The following GALNTL6 variants were observed in gnomAD, a reference collection of about 807,000 sequenced individuals.
GALNTL6 encodes the protein polypeptide N-acetylgalactosaminyltransferase-like 6.
GALNTL6 carries 46 observed loss-of-function variants against 73.7 expected under a neutral mutation model. The ratio of observed to expected loss-of-function variants is 0.62; its 90% CI spans 0.49 to 0.80. The LOEUF is 0.80. Ranked by LOEUF, GALNTL6 falls within the 30% of genes least tolerant of loss-of-function variation. GALNTL6 has a pLI of 0.00. For missense variants in GALNTL6, 604 were observed against 755.0 expected (o/e 0.80, Z 2.34); for synonymous variants, 259 against 263.7 (o/e 0.98, Z 0.17).
At chr4:172,597,465 T>A (rs1421685959) in intron 5 of GALNTL6, among the ~76,000 whole-genome samples, 2 of 152,206 alleles carry the variant, frequency 1.3e-5, no homozygotes, top group Non-Finnish European at 2.9e-5. Context: ...GCTCAGCATC[T>A]TTTGTGTCAT....
At chr4:172,670,808 T>C (rs1047394747) in intron 5 of GALNTL6, among the ~76,000 whole-genome samples, 1 of 152,194 alleles carries the variant, frequency 6.6e-6, no homozygotes, top group African/African-American at 2.4e-5. Context: ...TTTTAATCCA[T>C]CTTGAGTTAA....
At chr4:172,845,655 C>T (rs1027635437) in intron 7 of GALNTL6, among the ~76,000 whole-genome samples, 2 of 152,020 alleles carry the variant, frequency 1.3e-5, no homozygotes, top group African/African-American at 2.4e-5. Context: ...TTGCCTCTTA[C>T]TGTTTGTAGC....
intron 3 of GALNTL6, among the ~76,000 whole-genome samples, chr4:172,246,521 A>G (rs954352876): frequency 6.6e-6 from 1 of 152,086 alleles, no homozygotes; most frequent in Non-Finnish European, 1.5e-5. Context: ...ATGCAGCTTA[A>G]TAAAATACTT....
chr4:171,843,786 T>C (rs72983809), intron 2 of GALNTL6, among the ~76,000 whole-genome samples: 1 of 152,140 alleles, frequency 6.6e-6, no homozygotes, highest in African/African-American at 2.4e-5. Flanking sequence ...TCACAGAACA[T>C]GCTATAAATA....
chr4:173,030,509 C>T (rs767522980), intron 12 of GALNTL6, among the ~76,000 whole-genome samples: 11 of 152,258 alleles, frequency 7.2e-5, no homozygotes, highest in East Asian at 1.9e-4. Context: ...GTGAACTGAA[C>T]GCCTGCCCAG....
At chr4:172,715,910 G>T (rs1318961525) in intron 5 of GALNTL6, among the ~76,000 whole-genome samples, 1 of 152,142 alleles carries the variant, frequency 6.6e-6, no homozygotes, top group Non-Finnish European at 1.5e-5. Context: ...TGAAGTAATT[G>T]TTTAATGACA....
intron 12 of GALNTL6, among the ~76,000 whole-genome samples, chr4:173,025,243 G>C (rs1157500509): frequency 6.6e-6 from 1 of 152,152 alleles, no homozygotes; most frequent in Non-Finnish European, 1.5e-5. Flanking sequence ...TCCTGTTCCT[G>C]GTTTTCTTTT....
At chr4:171,971,539 A>C (rs1043395745) in intron 2 of GALNTL6, among the ~76,000 whole-genome samples, 1 of 152,226 alleles carries the variant, frequency 6.6e-6, no homozygotes, top group Non-Finnish European at 1.5e-5. Flanking sequence ...GGTTCCAAAA[A>C]AGGCTTACCT....
intron 5 of GALNTL6, among the ~76,000 whole-genome samples, chr4:172,519,280 A>G (rs1365746323): frequency 6.6e-6 from 1 of 150,940 alleles, no homozygotes; most frequent in Non-Finnish European, 1.5e-5. Context: ...ATTAATGGTC[A>G]CTTTCCTTGC....
At chr4:171,935,417 G>C (rs940872285) in intron 2 of GALNTL6, among the ~76,000 whole-genome samples, 4 of 152,192 alleles carry the variant, frequency 2.6e-5, no homozygotes, top group African/African-American at 9.6e-5. Flanking sequence ...CAGCATTATT[G>C]GAAGAAACTA....
intron 2 of GALNTL6, among the ~76,000 whole-genome samples, chr4:172,148,738 A>G (rs1733990564): frequency 6.6e-6 from 1 of 152,144 alleles, no homozygotes. Flanking sequence ...GTGCTCTTAC[A>G]TTTCACACCA....
At chr4:171,981,464 T>C (rs1739892808) in intron 2 of GALNTL6, among the ~76,000 whole-genome samples, 1 of 152,228 alleles carries the variant, frequency 6.6e-6, no homozygotes, top group Non-Finnish European at 1.5e-5. Context: ...GTTAAGATCT[T>C]GAGGCCCACA....
Position 171,996,775 on chromosome 4 carries a change from TG to T in GALNTL6, c.138+182058del, listed in dbSNP as rs199520487. Among the ~76,000 whole-genome samples the T allele has an allele frequency of 8.3e-3, 1,252 of 150,550 alleles. 14 individuals are homozygous for T. The highest frequency in any genetic ancestry group is 0.025 in the African/African-American group (1,015 of 40,924). ...GTGTCTTAAGAAAGTCTACCCACTATGTGTTGGGCTGCATTCAAAGCTGTCC... is the reference window on the plus strand; with the variant it reads ...GTGTCTTAAGAAAGTCTACCCACTATTGTTGGGCTGCATTCAAAGCTGTCC... On this transcript the variant is annotated intron_variant, in intron 2 of 12. Transcript: ENST00000506823.
intron 10 of GALNTL6, among the ~76,000 whole-genome samples, chr4:172,990,945 A>G (rs1353179203): frequency 5.9e-5 from 9 of 152,240 alleles, no homozygotes. Flanking sequence ...TGATTTTAAT[A>G]TACCAAATAA....
rs183243287 is a variant in GALNTL6 at position 172,227,827 on chromosome 4, T to A, written c.139-1829T>A. On this transcript the variant is annotated intron_variant, in intron 2 of 12. Coordinates refer to ENST00000506823, the MANE Select transcript of GALNTL6 (RefSeq NM_001034845.3). ...TTAAGAATTCGCTATATTACATATATCAAAATAAGGAAAATAGAGTGTCCC... is the reference window on the plus strand; with the variant it reads ...TTAAGAATTCGCTATATTACATATAACAAAATAAGGAAAATAGAGTGTCCC... 2.3e-3 allele frequency among the ~76,000 whole-genome samples: 349 copies of A among 152,310 alleles called. 2 individuals carry two copies. Among genetic ancestry groups the A allele is most frequent in the Admixed American group, 7.8e-3 (119 of 15,286 alleles).
rs189696780 is a variant in GALNTL6, at chr4:172,172,477, G to A, written c.139-57179G>A. On this transcript the variant is annotated intron_variant, in intron 2 of 12. Transcript: ENST00000506823. ...CTCCCAAAGTGCCGGGATTATAGGC[G>A]TGAGCCACAACACCCAGCTATGACT... Among the ~76,000 whole-genome samples, 237 of 152,164 alleles carry A rather than the reference G, an allele frequency of 1.6e-3. 2 individuals are homozygous for A. The highest frequency in any genetic ancestry group is 0.014 in the East Asian group (71 of 5,160).
At chr4:172,562,903 T>G (rs558528570) in intron 5 of GALNTL6, among the ~76,000 whole-genome samples, 1 of 152,324 alleles carries the variant, frequency 6.6e-6, no homozygotes, top group African/African-American at 2.4e-5. Flanking sequence ...GATCTTAGCC[T>G]TGTTTCTCTA....
intron 7 of GALNTL6, among the ~76,000 whole-genome samples, chr4:172,862,037 G>A (rs1038957311): frequency 1.3e-5 from 2 of 152,166 alleles, no homozygotes; most frequent in Non-Finnish European, 2.9e-5. Flanking sequence ...GGCAGAGGTT[G>A]GAACTGTTTG....
intron 5 of GALNTL6, among the ~76,000 whole-genome samples, chr4:172,430,973 G>A (rs999858274): frequency 1.3e-5 from 2 of 152,176 alleles, no homozygotes; most frequent in African/African-American, 2.4e-5. Flanking sequence ...TTAAGGAAAT[G>A]TGTGGAGAAG....
Sources: allele counts gnomAD v4.1 joint callset (sites outside exome capture counted in the v4.1 genomes callset), GRCh38; gene constraint gnomAD v4.1.1; transcripts MANE v1.5; gene names NCBI Gene and HGNC (gene_info 2026-07-23, HGNC 2026-07-21).